The following PLD1 variants were observed in gnomAD, a reference collection of about 807,000 sequenced individuals.
The protein encoded by PLD1 is choline phosphatase 1.
In PLD1, 112 loss-of-function variants were observed where a neutral mutation model predicts 137.1. The ratio of observed to expected loss-of-function variants is 0.82; its 90% CI spans 0.70 to 0.96. PLD1 has a LOEUF of 0.96. Among genes scored for constraint, PLD1 ranks in the 40% least tolerant of loss-of-function variants. The pLI is 0.00. For synonymous variants in PLD1, 431 were observed against 454.7 expected, an observed-to-expected ratio of 0.95 and a Z score of 0.66; for missense variants, 1,321 against 1,342.0, an observed-to-expected ratio of 0.98 and a Z score of 0.24.
At chr3:171,607,184 G>A (rs11916755) in intron 25 of PLD1, among the ~76,000 whole-genome samples, 12 of 152,040 alleles carry the variant, frequency 7.9e-5, no homozygotes, top group African/African-American at 2.7e-4. Context: ...CAGACTACAC[G>A]AGAATAACTT....
intron 1 of PLD1, among the ~76,000 whole-genome samples, chr3:171,747,147 G>C (rs183557592): frequency 6.6e-6 from 1 of 152,174 alleles, no homozygotes; most frequent in East Asian, 1.9e-4. Context: ...GAAACTCCAA[G>C]CACATCAGAA....
At chr3:171,762,511 CA>C (rs2108309831) in intron 1 of PLD1, among the ~76,000 whole-genome samples, 1 of 152,286 alleles carries the variant, frequency 6.6e-6, no homozygotes, top group Non-Finnish European at 1.5e-5. Context: ...AGTGAATTCT[CA>C]AGAGTGTGAA....
At chr3:171,605,273 G>T in intron 26 of PLD1, 26 bp downstream of exon 26, 2 of 1,196,280 alleles carry the variant, frequency 1.7e-6, no homozygotes, top group Non-Finnish European at 2.5e-6. Flanking sequence ...GAAAAGAAAC[G>T]GAGGAGGGGA....
chr3:171,792,328 C>G (rs1723244889), intron 1 of PLD1: 2 of 326,786 alleles, frequency 6.1e-6, no homozygotes, highest in Non-Finnish European at 1.2e-5. Context: ...CCATCATGCA[C>G]CCAGGGGCCA....
chr3:171,737,531 C>A lies in PLD1; in HGVS notation c.288+1G>T, dbSNP rs1203421265. 1 of 1,606,096 alleles carries A rather than the reference C, an allele frequency of 6.2e-7. No homozygotes were observed. The highest frequency in any genetic ancestry group is 1.1e-5 in the South Asian group (1 of 88,884). ...AAGGGTGAGTCCATAAACGCTCTGACCCTTGTTGTAGATGTGAAGCGTTCC... is the reference window on the plus strand; with the variant it reads ...AAGGGTGAGTCCATAAACGCTCTGAACCTTGTTGTAGATGTGAAGCGTTCC... On this transcript the variant is annotated splice_donor_variant, in intron 3 of 26. Transcript: ENST00000351298. LOFTEE classifies it high-confidence loss of function.
chr3:171,667,840 C>A (rs567866830), intron 19 of PLD1, among the ~76,000 whole-genome samples: 4 of 152,214 alleles, frequency 2.6e-5, no homozygotes, highest in Non-Finnish European at 4.4e-5. Context: ...TAACTTCTGC[C>A]TCCCGGGTTC....
Position 171,699,752 on chromosome 3 carries a change from C to T in PLD1, c.1220G>A (p.Arg407Gln), listed in dbSNP as rs141850987. 2.6e-4 allele frequency: 422 copies of T among 1,609,474 alleles called. No homozygotes were observed. In the African/African-American group the frequency reaches 4.9e-3, roughly 19 times the overall value. The change falls in exon 12 of 27, where the codon CGA becomes CAA. Residue 407 changes from arginine to glutamine, a missense_variant. Coordinates refer to ENST00000351298, the MANE Select transcript of PLD1 (RefSeq NM_002662.5). ...NRWRLDCILKRKAQQGVRIFI... is the reference protein window; with the variant it reads ...NRWRLDCILKQKAQQGVRIFI... ...TTCTGGGAAAGTACATACTGCTTTT[C>T]GTTTAAGAATGCAGTCCAACCTCCA... is the stretch of plus-strand genomic sequence containing the variant.
intron 11 of PLD1, among the ~76,000 whole-genome samples, chr3:171,702,371 C>G (rs1427467843): frequency 6.6e-6 from 1 of 151,646 alleles, no homozygotes; most frequent in Non-Finnish European, 1.5e-5. Flanking sequence ...GTCTGTAGTT[C>G]CAGCTACTCG....
intron 13 of PLD1, 58 bp downstream of exon 13, chr3:171,692,274 C>A: frequency 1.2e-6 from 1 of 840,790 alleles, no homozygotes; most frequent in South Asian, 1.4e-5. Context: ...CAAAACATAC[C>A]TGAAAAAATC....
At chr3:171,692,078 A>C (rs899209660) in intron 13 of PLD1, among the ~76,000 whole-genome samples, 2 of 152,204 alleles carry the variant, frequency 1.3e-5, no homozygotes, top group Non-Finnish European at 2.9e-5. Flanking sequence ...CAACTGCAGG[A>C]AACATGTTCT....
At chr3:171,705,055 C>T (rs937648328) in intron 11 of PLD1, among the ~76,000 whole-genome samples, 1 of 152,214 alleles carries the variant, frequency 6.6e-6, no homozygotes, top group East Asian at 1.9e-4. Flanking sequence ...CCCCGACAAG[C>T]TCTGGCTCAC....
chr3:171,734,814 T>C (rs753794035), intron 5 of PLD1, 51 bp downstream of exon 5: 1 of 1,098,694 alleles, frequency 9.1e-7, no homozygotes, highest in Admixed American at 1.7e-5. Context: ...GCTGTGTTTC[T>C]ACAGCACTGC....
rs771224151 is a variant in PLD1 at position 171,660,068 on chromosome 3, AAATAG to A, written c.2341-772_2341-768del. 3.3e-5 allele frequency among the ~76,000 whole-genome samples: 5 copies of A among 152,360 alleles called. No individual in the cohort carries two copies. In the East Asian group the frequency reaches 5.8e-4, roughly 18 times the overall value. On this transcript the variant is annotated intron_variant, in intron 20 of 26. Coordinates refer to ENST00000351298, the MANE Select transcript of PLD1 (RefSeq NM_002662.5). ...CAAATATTACTAATGTTATGTGTTC[AAATAG>A]AATAGATTGTTATAACACATCTGTA...
intron 1 of PLD1, chr3:171,809,912 C>A (rs1403350009): frequency 2.0e-5 from 3 of 152,312 alleles, no homozygotes; most frequent in Non-Finnish European, 4.4e-5. Flanking sequence ...CAGGACCGTG[C>A]TCTGCGGGCT....
At chr3:171,764,241 TGAG>T (rs1721651709) in intron 1 of PLD1, among the ~76,000 whole-genome samples, 2 of 152,210 alleles carry the variant, frequency 1.3e-5, no homozygotes, top group African/African-American at 4.8e-5. Context: ...CCCAAAGGGC[TGAG>T]GTTACAGGCA....
At chr3:171,610,185 C>A (rs912509230) in intron 25 of PLD1, among the ~76,000 whole-genome samples, 1 of 152,012 alleles carries the variant, frequency 6.6e-6, no homozygotes, top group African/African-American at 2.4e-5. Flanking sequence ...TACAAACATA[C>A]CCATTTTTTT....
At chr3:171,693,836 AT>A (rs1715434410) in intron 12 of PLD1, among the ~76,000 whole-genome samples, 1 of 152,166 alleles carries the variant, frequency 6.6e-6, no homozygotes, top group South Asian at 2.1e-4. Flanking sequence ...GTGATTAGTC[AT>A]TGTTTATAAG....
chr3:171,712,068 G>C (rs1037806848), intron 9 of PLD1, among the ~76,000 whole-genome samples: 1 of 152,200 alleles, frequency 6.6e-6, no homozygotes, highest in Non-Finnish European at 1.5e-5. Context: ...TGATCCTGAT[G>C]AGACGCAGGG....
intron 21 of PLD1, among the ~76,000 whole-genome samples, chr3:171,655,257 G>A (rs1402069075): frequency 6.6e-6 from 1 of 152,184 alleles, no homozygotes; most frequent in African/African-American, 2.4e-5. Context: ...AGAAGTCTAT[G>A]GAGAGAGAGG....
Sources: allele counts gnomAD v4.1 joint callset (sites outside exome capture counted in the v4.1 genomes callset), GRCh38; gene constraint gnomAD v4.1.1; transcripts MANE v1.5; gene names NCBI Gene and HGNC (gene_info 2026-07-23, HGNC 2026-07-21).